The following RFX3 variants were observed in gnomAD, a reference collection of about 807,000 sequenced individuals.
RFX3 encodes transcription factor RFX3.
In RFX3, 14 loss-of-function variants were observed where a neutral mutation model predicts 98.6. The observed-to-expected ratio is 0.14, with a 90% CI of 0.09 to 0.22. The LOEUF is 0.22. Ranked by LOEUF, RFX3 falls within the 10% of genes least tolerant of loss-of-function variation. The pLI is 1.00. For missense variants in RFX3, 639 were observed against 926.9 expected (o/e 0.69, Z 4.03); for synonymous variants, 383 against 328.4 (o/e 1.17, Z -1.80).
At chr9:3,283,160 A>G (rs1685479152) in intron 7 of RFX3, among the ~76,000 whole-genome samples, 1 of 151,720 alleles carries the variant, frequency 6.6e-6, no homozygotes, top group South Asian at 2.1e-4. Flanking sequence ...AAAGTTAGAA[A>G]CCACTAGCCT....
At chr9:3,369,716 T>A (rs1297762004) in intron 2 of RFX3, among the ~76,000 whole-genome samples, 1 of 152,238 alleles carries the variant, frequency 6.6e-6, no homozygotes, top group East Asian at 1.9e-4. Flanking sequence ...CAAATGATAT[T>A]TTGAAGCCAA....
Position 3,395,563 on chromosome 9 carries a change from T to C in RFX3, c.26A>G (p.Asp9Gly), listed in dbSNP as rs1158210287. ...TTGTAAGGTCACTGTCGAGCCTGTG[T>C]CCGACCCAGTCTCTGATGTCTGCAT... is the stretch of plus-strand genomic sequence containing the variant. MQTSETGS[D>G]TGSTVTLQTS... The change falls in exon 2 of 17, where the codon GAC (aspartate) becomes GGC (glycine). Residue 9 changes from aspartate to glycine, a missense_variant. Asp to Gly is a moderately conservative substitution (Grantham distance 94). Transcript: ENST00000617270. 1.2e-6 allele frequency: 2 copies of C among 1,614,140 alleles called. No individual in the cohort carries two copies. Among genetic ancestry groups the C allele is most frequent in the East Asian group, 2.2e-5 (1 of 44,880 alleles).
At chr9:3,232,391 C>T (rs1818588258) in intron 15 of RFX3, among the ~76,000 whole-genome samples, 1 of 152,148 alleles carries the variant, frequency 6.6e-6, no homozygotes, top group Non-Finnish European at 1.5e-5. Flanking sequence ...CCATCCCTGT[C>T]ACTCTCAGTC....
At chr9:3,287,500 T>C (rs1332700366) in intron 7 of RFX3, among the ~76,000 whole-genome samples, 1 of 151,996 alleles carries the variant, frequency 6.6e-6, no homozygotes, top group African/African-American at 2.4e-5. Context: ...GGGACTCATC[T>C]GAAAAAACAG....
chr9:3,348,573 ATTAT>A (rs907270108), intron 2 of RFX3, among the ~76,000 whole-genome samples: 3 of 151,946 alleles, frequency 2.0e-5, no homozygotes, highest in African/African-American at 7.2e-5. Context: ...CCTCTCATTA[ATTAT>A]TTAGTTACTT....
At chr9:3,357,746 T>C (rs1215132281) in intron 2 of RFX3, among the ~76,000 whole-genome samples, 3 of 152,084 alleles carry the variant, frequency 2.0e-5, no homozygotes, top group Non-Finnish European at 4.4e-5. Flanking sequence ...AGAATCGTAA[T>C]GTTCCCAATA....
intron 14 of RFX3, among the ~76,000 whole-genome samples, chr9:3,256,790 G>C (rs1009907176): frequency 6.6e-6 from 1 of 152,166 alleles, no homozygotes; most frequent in African/African-American, 2.4e-5. Context: ...CTAGCAGAAA[G>C]TTTATTTCTC....
At chr9:3,264,946 T>C (rs1823421765) in intron 12 of RFX3, among the ~76,000 whole-genome samples, 1 of 152,184 alleles carries the variant, frequency 6.6e-6, no homozygotes, top group South Asian at 2.1e-4. Context: ...TGAGGTATTG[T>C]TACAAATGTG....
At chr9:3,268,272 G>A (rs557586656) in intron 11 of RFX3, among the ~76,000 whole-genome samples, 1 of 151,836 alleles carries the variant, frequency 6.6e-6, no homozygotes, top group African/African-American at 2.4e-5. Flanking sequence ...AAATGGTAGA[G>A]TGAAGTGCTA....
At chr9:3,414,958 GTATA>G (rs1219549238) in intron 1 of RFX3, among the ~76,000 whole-genome samples, 2 of 129,888 alleles carry the variant, frequency 1.5e-5, no homozygotes, top group Non-Finnish European at 3.1e-5. Context: ...ATATGTGTGT[GTATA>G]TATTCATATA....
chr9:3,243,867 T>G (rs1418961529), intron 15 of RFX3, among the ~76,000 whole-genome samples: 1 of 152,246 alleles, frequency 6.6e-6, no homozygotes, highest in East Asian at 1.9e-4. Flanking sequence ...GTCATAAGCA[T>G]GGCAGATTAA....
chr9:3,295,349 A>G lies in RFX3; in HGVS notation c.550-2091T>C, dbSNP rs1207488677. ...ATTGAGATTGGGAAGCACTTGAGTG[A>G]TGTTATGGCAGCCCTAGTGAGCTGT... On this transcript the variant is annotated intron_variant, in intron 5 of 16. Coordinates refer to ENST00000617270, the MANE Select transcript of RFX3 (RefSeq NM_001282116.2). 2.0e-5 allele frequency among the ~76,000 whole-genome samples: 3 copies of G among 152,168 alleles called. No homozygotes were observed. In the East Asian group the frequency reaches 5.8e-4, roughly 29 times the overall value.
chr9:3,467,070 G>A (rs181080328), intron 1 of RFX3, among the ~76,000 whole-genome samples: 89 of 133,552 alleles, frequency 6.7e-4, no homozygotes, highest in African/African-American at 2.5e-3. Context: ...ATATATATAA[G>A]TATATATGTA....
rs1339326380 is a variant in RFX3, at chr9:3,504,909, TATATA to T, written c.-9+20833_-9+20837del. On this transcript the variant is annotated intron_variant, in intron 1 of 16. Coordinates refer to ENST00000617270, the MANE Select transcript of RFX3 (RefSeq NM_001282116.2). ...TATAATATAACATATATTATATATA[TATATA>T]ATATAACATATATTATATATAATAT... Among the ~76,000 whole-genome samples, 28 of 72,758 alleles carry T rather than the reference TATATA, an allele frequency of 3.8e-4. 1 individual carries two copies. Among genetic ancestry groups the T allele is most frequent in the South Asian group, 1.5e-3 (4 of 2,670 alleles). The allele number at this position is 72,758 out of a possible 152,430, so 47.7% of individuals were successfully genotyped here.
At chr9:3,275,873 C>T (rs1825141661) in intron 8 of RFX3, among the ~76,000 whole-genome samples, 2 of 152,008 alleles carry the variant, frequency 1.3e-5, no homozygotes, top group Non-Finnish European at 1.5e-5. Flanking sequence ...TAGTATACTG[C>T]ATATCACAGT....
At chr9:3,226,697 C>G (rs1048499230) in intron 16 of RFX3, among the ~76,000 whole-genome samples, 1 of 152,044 alleles carries the variant, frequency 6.6e-6, no homozygotes, top group African/African-American at 2.4e-5. Context: ...TGGAGGGCTA[C>G]AGGGAGAGGG....
chr9:3,495,217 GA>G (rs551930820), intron 1 of RFX3, among the ~76,000 whole-genome samples: 111 of 150,592 alleles, frequency 7.4e-4, no homozygotes, highest in Non-Finnish European at 1.2e-3. Flanking sequence ...CCATTTTTAG[GA>G]AAAAAAAATT....
intron 1 of RFX3, chr9:3,452,217 C>T (rs894580643): frequency 2.4e-5 from 4 of 166,512 alleles, no homozygotes; most frequent in Admixed American, 6.0e-5. Flanking sequence ...TCTAGCTTGG[C>T]CCATTCAGAT....
At chr9:3,376,820 GC>G (rs1214182499) in intron 2 of RFX3, among the ~76,000 whole-genome samples, 1 of 152,196 alleles carries the variant, frequency 6.6e-6, no homozygotes, top group African/African-American at 2.4e-5. Flanking sequence ...AGACATTTAT[GC>G]AGCCAACAGA....
Sources: gnomAD v4.1 joint callset for allele counts (sites outside exome capture counted in the v4.1 genomes callset) on GRCh38, gnomAD v4.1.1 for gene constraint, MANE v1.5 for transcripts, NCBI Gene and HGNC (gene_info 2026-07-23, HGNC 2026-07-21) for gene names.